Variants in TSPAN12 observed in about 807,000 individuals in gnomAD.
TSPAN12 encodes the protein tetraspanin 12, also known as tetraspanin-12.
A neutral mutation model predicts 39.2 loss-of-function variants in TSPAN12; 19 were observed. That is an observed-to-expected ratio of 0.49 (90% CI 0.34 to 0.71). The LOEUF (loss-of-function observed/expected upper bound fraction) is 0.71. TSPAN12 is among the 30% of genes least tolerant of loss of function. The pLI, the probability that TSPAN12 is intolerant of heterozygous loss-of-function variation, is 0.01. For missense variants in TSPAN12, 314 were observed against 359.9 expected (o/e 0.87, Z 1.03); for synonymous variants, 119 against 124.8 (o/e 0.95, Z 0.31).
chr7:120,843,314 T>C (rs940672795), intron 2 of TSPAN12, among the ~76,000 whole-genome samples: 1 of 152,226 alleles, frequency 6.6e-6, no homozygotes, highest in African/African-American at 2.4e-5. Flanking sequence ...CTGGAGAACC[T>C]AAAAATGTGC....
chr7:120,852,782 A>C (rs1285495773), intron 2 of TSPAN12, among the ~76,000 whole-genome samples: 1 of 152,182 alleles, frequency 6.6e-6, no homozygotes, highest in Non-Finnish European at 1.5e-5. Flanking sequence ...ACAAAACTGG[A>C]CTTTCAATTC....
intron 7 of TSPAN12, among the ~76,000 whole-genome samples, chr7:120,796,220 C>A (rs1793627029): frequency 6.6e-6 from 1 of 152,114 alleles, no homozygotes; most frequent in Non-Finnish European, 1.5e-5. Context: ...ATTTGGGCAC[C>A]TTAAATTTGC....
intron 4 of TSPAN12, 54 bp downstream of exon 4, chr7:120,838,718 AATAAT>A (rs1794523582): frequency 6.4e-7 from 1 of 1,560,448 alleles, no homozygotes; most frequent in Non-Finnish European, 8.8e-7. Flanking sequence ...CTGATTAAAA[AATAAT>A]ATATTACTGG....
chr7:120,839,973 C>T, intron 3 of TSPAN12, 54 bp downstream of exon 3: 1 of 1,469,704 alleles, frequency 6.8e-7, no homozygotes, highest in Non-Finnish European at 9.5e-7. Flanking sequence ...TAGCTGAGGG[C>T]AAAGTTACTT....
chr7:120,798,581 C>T (rs529631161), intron 7 of TSPAN12, among the ~76,000 whole-genome samples: 2 of 152,122 alleles, frequency 1.3e-5, no homozygotes, highest in African/African-American at 2.4e-5. Flanking sequence ...TGTCCTAAAC[C>T]GTCTTTTTAT....
intron 4 of TSPAN12, among the ~76,000 whole-genome samples, chr7:120,834,461 G>A (rs1352296332): frequency 6.6e-6 from 1 of 152,150 alleles, no homozygotes; most frequent in Non-Finnish European, 1.5e-5. Context: ...GATGAGGGCT[G>A]CAGGGAGGCT....
In TSPAN12 at chr7:120,788,526, G is replaced by A. The variant is rs1793452520; in HGVS notation, c.*66C>T. On this transcript the variant is annotated 3_prime_UTR_variant, in exon 8 of 8. Coordinates refer to ENST00000222747, the MANE Select transcript of TSPAN12 (RefSeq NM_012338.4). ...TTTCTACATATTTCTGAAACACATA[G>A]TATGTACTCAAAAATTCACAAGTCC... is the stretch of plus-strand genomic sequence containing the variant. 2 of 1,555,330 alleles carry A rather than the reference G, an allele frequency of 1.3e-6. No homozygotes were observed. Among genetic ancestry groups the A allele is most frequent in the Non-Finnish European group, 1.8e-6 (2 of 1,127,588 alleles).
At chr7:120,817,708 T>C (rs1023363942) in intron 4 of TSPAN12, among the ~76,000 whole-genome samples, 2 of 152,072 alleles carry the variant, frequency 1.3e-5, no homozygotes, top group Non-Finnish European at 2.9e-5. Flanking sequence ...AGCAAAAATA[T>C]GAGAAAGAAC....
At chr7:120,793,513 G>A (rs942237238) in intron 7 of TSPAN12, among the ~76,000 whole-genome samples, 4 of 152,126 alleles carry the variant, frequency 2.6e-5, no homozygotes, top group Non-Finnish European at 5.9e-5. Context: ...CAAAATATCA[G>A]GTGATCATTT....
intron 4 of TSPAN12, among the ~76,000 whole-genome samples, chr7:120,824,484 T>C (rs1794247503): frequency 1.3e-5 from 2 of 152,008 alleles, no homozygotes; most frequent in African/African-American, 4.8e-5. Flanking sequence ...CTCAAATCAG[T>C]GTGAGTTGAA....
chr7:120,799,459 TAATTA>T (rs1278626816), intron 7 of TSPAN12, among the ~76,000 whole-genome samples: 5 of 135,432 alleles, frequency 3.7e-5, no homozygotes, highest in African/African-American at 1.4e-4. Flanking sequence ...ATATATAATT[TAATTA>T]CATAATTATT....
chr7:120,852,231 G>A (rs1382449935), intron 2 of TSPAN12, among the ~76,000 whole-genome samples: 1 of 151,818 alleles, frequency 6.6e-6, no homozygotes, highest in Non-Finnish European at 1.5e-5. Flanking sequence ...AAGGTAAGAA[G>A]GTACCAATAT....
At chr7:120,799,916 TTAAA>T (rs1306594884) in intron 7 of TSPAN12, among the ~76,000 whole-genome samples, 1 of 143,842 alleles carries the variant, frequency 7.0e-6, no homozygotes, top group Admixed American at 7.2e-5. Context: ...ATTTATTATA[TTAAA>T]TATTTATTAT....
intron 7 of TSPAN12, among the ~76,000 whole-genome samples, chr7:120,804,526 A>G (rs1215874917): frequency 6.6e-6 from 1 of 152,202 alleles, no homozygotes; most frequent in African/African-American, 2.4e-5. Context: ...ATGTTTCTAA[A>G]CAAAGTATGT....
rs913963638 is a variant in TSPAN12 at position 120,837,473 on chromosome 7, G to A, written c.285+1304C>T. Reference sequence around the variant, plus strand: ...ACTACAGGTGCCCGCCAACATGCCCGGCTAATTTTTTTGTATTTTTAGTAG... The same window carrying A: ...ACTACAGGTGCCCGCCAACATGCCCAGCTAATTTTTTTGTATTTTTAGTAG... On this transcript the variant is annotated intron_variant, in intron 4 of 7. Coordinates refer to ENST00000222747, the MANE Select transcript of TSPAN12 (RefSeq NM_012338.4). 7.2e-5 allele frequency among the ~76,000 whole-genome samples: 11 copies of A among 151,978 alleles called. No individual in the cohort carries two copies. In the East Asian group the frequency reaches 7.8e-4, roughly 11 times the overall value.
In TSPAN12 at chr7:120,810,475, A is replaced by T; in HGVS notation, c.456T>A (p.Phe152Leu). Residue 152 changes from phenylalanine to leucine, a missense_variant, in exon 6 of 8, where the codon TTT becomes TTA. Coordinates refer to ENST00000222747, the MANE Select transcript of TSPAN12 (RefSeq NM_012338.4). ...RYRWLTHAWN[F>L]FQREFKCCGV... is the part of the protein sequence containing the mutation. ...TTGTAGCACTTACCTCTCTCTGAAA[A>T]AAATTCCAAGCATGAGTAAGCCACC... 1.2e-6 allele frequency: 2 copies of T among 1,612,234 alleles called. No homozygotes were observed. The highest frequency in any genetic ancestry group is 1.7e-6 in the Non-Finnish European group (2 of 1,178,386).
chr7:120,794,865 C>T (rs1263623017), intron 7 of TSPAN12, among the ~76,000 whole-genome samples: 1 of 152,204 alleles, frequency 6.6e-6, no homozygotes, highest in Admixed American at 6.5e-5. Flanking sequence ...GGTTTTCTGT[C>T]TGTTCTGAAT....
intron 2 of TSPAN12, among the ~76,000 whole-genome samples, chr7:120,851,586 A>C (rs1794769913): frequency 6.6e-6 from 1 of 152,244 alleles, no homozygotes; most frequent in Non-Finnish European, 1.5e-5. Flanking sequence ...GAAAATTACC[A>C]TCTAAGAAAT....
At chr7:120,813,898 T>G (rs1382507361) in intron 5 of TSPAN12, 1 of 159,088 alleles carries the variant, frequency 6.3e-6, no homozygotes, top group Non-Finnish European at 1.4e-5. Flanking sequence ...GCAAACAAAT[T>G]CCTATATTAA....
Sources: gnomAD v4.1 joint callset for allele counts (sites outside exome capture counted in the v4.1 genomes callset) on GRCh38, gnomAD v4.1.1 for gene constraint, MANE v1.5 for transcripts, NCBI Gene and HGNC (gene_info 2026-07-23, HGNC 2026-07-21) for gene names.